The following DENND2A variants were observed in gnomAD, a reference collection of about 807,000 sequenced individuals.
DENND2A encodes DENN domain-containing protein 2A.
A neutral mutation model predicts 105.3 loss-of-function variants in DENND2A; 53 were observed. The ratio of observed to expected loss-of-function variants is 0.50; its 90% CI spans 0.40 to 0.63. DENND2A has a LOEUF of 0.63. Among genes scored for constraint, DENND2A ranks in the 30% least tolerant of loss-of-function variants. The pLI is 0.00. For synonymous variants in DENND2A, 522 were observed against 508.4 expected, an observed-to-expected ratio of 1.03 and a Z score of -0.36; for missense variants, 1,138 against 1,279.6, an observed-to-expected ratio of 0.89 and a Z score of 1.69.
chr7:140,552,603 G>A (rs912678272), intron 12 of DENND2A, among the ~76,000 whole-genome samples: 1 of 152,042 alleles, frequency 6.6e-6, no homozygotes, highest in Non-Finnish European at 1.5e-5. Flanking sequence ...TCACCATGTT[G>A]CCTAGTCTGC....
intron 4 of DENND2A, 81 bp downstream of exon 4, chr7:140,587,572 G>A: frequency 1.3e-6 from 2 of 1,586,068 alleles, no homozygotes; most frequent in Non-Finnish European, 1.7e-6. Context: ...GTGCACGTGT[G>A]TTTCCAGCAG....
chr7:140,527,663 G>A lies in DENND2A; in HGVS notation c.2328-168C>T, dbSNP rs1174660428. Among the ~76,000 whole-genome samples, 1 of 152,156 alleles carries A rather than the reference G, an allele frequency of 6.6e-6. No homozygotes were observed. The highest frequency in any genetic ancestry group is 1.9e-4 in the East Asian group (1 of 5,176). ...CAGCACAGGCCACACCAGGCACTTA[G>A]AGCCTATGCGAGAGGCTTGCAGGCA... On this transcript the variant is annotated intron_variant, in intron 14 of 19. Transcript: ENST00000496613. The surrounding 1 kb of genome is among the most constrained non-coding windows in gnomAD (Gnocchi z 4.9).
At chr7:140,588,863 C>T (rs1798895692) in intron 3 of DENND2A, among the ~76,000 whole-genome samples, 1 of 151,828 alleles carries the variant, frequency 6.6e-6, no homozygotes, top group Non-Finnish European at 1.5e-5. Context: ...CTGCCTCAGC[C>T]TCCCGAGGAG....
intron 1 of DENND2A, among the ~76,000 whole-genome samples, chr7:140,617,173 T>C (rs537441807): frequency 2.0e-5 from 3 of 152,354 alleles, no homozygotes; most frequent in South Asian, 4.1e-4. Context: ...GGCAGTATTT[T>C]ACTCCAGTAA....
chr7:140,622,447 A>G (rs1585775320), intron 1 of DENND2A, among the ~76,000 whole-genome samples: 1 of 152,274 alleles, frequency 6.6e-6, no homozygotes, highest in East Asian at 1.9e-4. Context: ...GAACCGTTGC[A>G]AGAATAGTAC....
At chr7:140,606,704 A>G (rs999399039) in intron 1 of DENND2A, among the ~76,000 whole-genome samples, 3 of 152,152 alleles carry the variant, frequency 2.0e-5, no homozygotes, top group African/African-American at 7.2e-5. Context: ...GGTCTAAGGA[A>G]CACCAGGAGA....
chr7:140,601,275 C>T (rs992934792), intron 3 of DENND2A, 128 bp downstream of exon 3: 19 of 1,273,692 alleles, frequency 1.5e-5, no homozygotes, highest in Non-Finnish European at 1.9e-5. Context: ...AGCTATGAAC[C>T]ATCTGGACTA....
rs962291376 is a variant in DENND2A at position 140,527,665 on chromosome 7, G to A, written c.2328-170C>T. 1.3e-5 allele frequency among the ~76,000 whole-genome samples: 2 copies of A among 152,162 alleles called. No homozygotes were observed. The highest frequency in any genetic ancestry group is 2.4e-5 in the African/African-American group (1 of 41,442). ...GCACAGGCCACACCAGGCACTTAGA[G>A]CCTATGCGAGAGGCTTGCAGGCACA... On this transcript the variant is annotated intron_variant, in intron 14 of 19. Coordinates refer to ENST00000496613, the MANE Select transcript of DENND2A (RefSeq NM_015689.5). The surrounding 1 kb of genome is among the most constrained non-coding windows in gnomAD (Gnocchi z 4.9).
chr7:140,542,850 G>A (rs1796728828), intron 14 of DENND2A, among the ~76,000 whole-genome samples: 2 of 152,094 alleles, frequency 1.3e-5, no homozygotes, highest in South Asian at 4.1e-4. Context: ...ACAGTCATGA[G>A]CCACCGCGCC....
intron 1 of DENND2A, among the ~76,000 whole-genome samples, chr7:140,611,018 C>A (rs73500495): frequency 6.6e-6 from 1 of 152,262 alleles, no homozygotes; most frequent in East Asian, 1.9e-4. Flanking sequence ...CCTCTCGGAC[C>A]GCTGCTTCTG....
intron 3 of DENND2A, among the ~76,000 whole-genome samples, chr7:140,593,281 G>T (rs1030756570): frequency 6.6e-6 from 1 of 152,208 alleles, no homozygotes; most frequent in African/African-American, 2.4e-5. Context: ...CCTTTGGGGA[G>T]CCCACAGCCT....
intron 1 of DENND2A, among the ~76,000 whole-genome samples, chr7:140,613,950 G>C (rs1451767769): frequency 6.6e-6 from 1 of 152,184 alleles, no homozygotes; most frequent in East Asian, 1.9e-4. Context: ...GCACCAATCA[G>C]AGCCTCATCA....
intron 12 of DENND2A, among the ~76,000 whole-genome samples, chr7:140,550,896 A>G (rs1284819751): frequency 3.3e-5 from 5 of 152,186 alleles, no homozygotes; most frequent in African/African-American, 9.7e-5. Context: ...TGTTATGTAT[A>G]TATTTTAGCA....
chr7:140,590,474 C>T (rs543183818), intron 3 of DENND2A, among the ~76,000 whole-genome samples: 1 of 152,302 alleles, frequency 6.6e-6, no homozygotes, highest in South Asian at 2.1e-4. Flanking sequence ...ATAGGATTAG[C>T]TTTTATCCCA....
At chr7:140,625,079 A>G (rs188208234) in intron 1 of DENND2A, among the ~76,000 whole-genome samples, 6 of 152,192 alleles carry the variant, frequency 3.9e-5, no homozygotes, top group Admixed American at 3.9e-4. Context: ...TAGCTACCAG[A>G]TAACATTAGC....
At chr7:140,561,688 TA>T (rs1563142430) in intron 9 of DENND2A, among the ~76,000 whole-genome samples, 1 of 56,948 alleles carries the variant, frequency 1.8e-5, no homozygotes, top group African/African-American at 3.4e-5. Flanking sequence ...TTTTTTTTTG[TA>T]TTTTCAGTAG....
chr7:140,596,517 C>T (rs752619817), intron 3 of DENND2A, among the ~76,000 whole-genome samples: 36 of 152,238 alleles, frequency 2.4e-4, no homozygotes, highest in Middle Eastern at 3.4e-3. Context: ...TGTGGGGATC[C>T]GTATCAGTCC....
At chr7:140,560,960 A>T (rs1797588835) in intron 9 of DENND2A, among the ~76,000 whole-genome samples, 1 of 152,108 alleles carries the variant, frequency 6.6e-6, no homozygotes, top group Non-Finnish European at 1.5e-5. Context: ...TGAATTAATA[A>T]AGTCTGATTT....
chr7:140,591,606 T>C (rs941651605), intron 3 of DENND2A, among the ~76,000 whole-genome samples: 6 of 152,146 alleles, frequency 3.9e-5, no homozygotes, highest in African/African-American at 1.4e-4. Context: ...CCAAAGCATT[T>C]AGAAAGTTAG....
Sources: allele counts gnomAD v4.1 joint callset (sites outside exome capture counted in the v4.1 genomes callset), GRCh38; gene constraint gnomAD v4.1.1; non-coding constraint Gnocchi (gnomAD v3.1); transcripts MANE v1.5; gene names NCBI Gene and HGNC (gene_info 2026-07-23, HGNC 2026-07-21).